The following PTPRT variants were observed in gnomAD, a reference collection of about 807,000 sequenced individuals.
PTPRT encodes the protein protein tyrosine phosphatase receptor type T, also known as receptor-type tyrosine-protein phosphatase T.
A neutral mutation model predicts 176.8 loss-of-function variants in PTPRT; 56 were observed. The observed-to-expected ratio is 0.32, with a 90% CI of 0.26 to 0.40. PTPRT has a LOEUF of 0.40. PTPRT is among the 10% of genes least tolerant of loss of function. The pLI is 1.00. For synonymous variants in PTPRT, 783 were observed against 739.0 expected (o/e 1.06, Z -0.96); for missense variants, 1,540 against 1,908.2 (o/e 0.81, Z 3.60).
chr20:43,109,182 G>A (rs1355896662), intron 1 of PTPRT, among the ~76,000 whole-genome samples: 2 of 152,140 alleles, frequency 1.3e-5, no homozygotes, highest in Non-Finnish European at 2.9e-5. Flanking sequence ...TTGCAGTCAT[G>A]TGAGCAATAA....
intron 6 of PTPRT, among the ~76,000 whole-genome samples, chr20:42,733,966 C>A (rs1022186022): frequency 1.3e-5 from 2 of 152,174 alleles, no homozygotes; most frequent in African/African-American, 4.8e-5. Context: ...TCAGCTCAGG[C>A]AAAGGCCCAG....
chr20:42,890,723 C>A (rs567553519), intron 1 of PTPRT, among the ~76,000 whole-genome samples: 1 of 152,278 alleles, frequency 6.6e-6, no homozygotes, highest in South Asian at 2.1e-4. Flanking sequence ...AGGCCCCAGA[C>A]GTTGCTGCAG....
At chr20:42,512,715 G>C (rs1329149105) in intron 7 of PTPRT, among the ~76,000 whole-genome samples, 2 of 152,072 alleles carry the variant, frequency 1.3e-5, no homozygotes, top group African/African-American at 4.8e-5. Context: ...CAAGCTGACT[G>C]CATACACTGT....
At chr20:42,057,366 G>T in the PTPRT span, among the ~76,000 whole-genome samples, 3 of 152,080 alleles carry the variant, frequency 2.0e-5, no homozygotes, top group Non-Finnish European at 4.4e-5. Context: ...GCTCAGTGTG[G>T]CTGGATCACA....
At chr20:42,827,477 G>A (rs915285886) in intron 2 of PTPRT, among the ~76,000 whole-genome samples, 2 of 152,084 alleles carry the variant, frequency 1.3e-5, no homozygotes, top group African/African-American at 2.4e-5. Context: ...AGAAATTAAG[G>A]CAGACATCAA....
At chr20:42,452,087 G>A (rs1402793578) in intron 8 of PTPRT, among the ~76,000 whole-genome samples, 1 of 152,076 alleles carries the variant, frequency 6.6e-6, no homozygotes, top group Admixed American at 6.6e-5. Flanking sequence ...TGGCCAACAT[G>A]GTGAAACCCT....
At chr20:43,125,114 A>G (rs1337918727) in intron 1 of PTPRT, among the ~76,000 whole-genome samples, 3 of 151,190 alleles carry the variant, frequency 2.0e-5, no homozygotes, top group Non-Finnish European at 4.4e-5. Context: ...TCCTGCCCCA[A>G]CCTCCCAAGT....
chr20:42,049,623 G>A, the PTPRT span, among the ~76,000 whole-genome samples: 4 of 152,170 alleles, frequency 2.6e-5, no homozygotes, highest in African/African-American at 9.7e-5. Flanking sequence ...CTCAAAGTAT[G>A]CTCTGAATCT....
intron 1 of PTPRT, among the ~76,000 whole-genome samples, chr20:42,900,574 C>G (rs1435139687): frequency 6.6e-6 from 1 of 152,142 alleles, no homozygotes; most frequent in Non-Finnish European, 1.5e-5. Context: ...AGTGGTAATG[C>G]CACCCAGAGC....
chr20:42,117,316 C>T (rs1243167173), intron 21 of PTPRT, among the ~76,000 whole-genome samples: 1 of 152,138 alleles, frequency 6.6e-6, no homozygotes, highest in Non-Finnish European at 1.5e-5. Flanking sequence ...ACTTACCTGC[C>T]CACATTTTAG....
At chr20:42,409,846 T>C (rs1393624005) in intron 9 of PTPRT, among the ~76,000 whole-genome samples, 1 of 152,236 alleles carries the variant, frequency 6.6e-6, no homozygotes, top group Admixed American at 6.5e-5. Context: ...ACTATCTACT[T>C]GGCTTAAAAG....
chr20:42,893,788 A>T (rs1305595826), intron 1 of PTPRT, among the ~76,000 whole-genome samples: 1 of 150,748 alleles, frequency 6.6e-6, no homozygotes, highest in Non-Finnish European at 1.5e-5. Context: ...ACATGTTCTC[A>T]CTCATAGATG....
At position 42,661,947 on chromosome 20, in the gene PTPRT, T is replaced by G. The variant is rs191926257; in HGVS notation, c.1153+15919A>C. 3.0e-3 allele frequency among the ~76,000 whole-genome samples: 461 copies of G among 152,306 alleles called. 2 individuals carry two copies. The highest frequency in any genetic ancestry group is 0.011 in the African/African-American group (442 of 41,580). ...TGGCCAGCAATGGACAGGGTGCCCT[T>G]GGCTTCCTCTGGCTCAGGCATCATT... On this transcript the variant is annotated intron_variant, in intron 7 of 30. Coordinates refer to ENST00000373187, the MANE Select transcript of PTPRT (RefSeq NM_007050.6).
chr20:42,803,800 C>T (rs1188329368), intron 2 of PTPRT, among the ~76,000 whole-genome samples: 3 of 152,154 alleles, frequency 2.0e-5, no homozygotes, highest in Admixed American at 6.5e-5. Flanking sequence ...GCAATCTGCC[C>T]GCCTCAGCCT....
chr20:43,141,759 G>A (rs570250017), intron 1 of PTPRT, among the ~76,000 whole-genome samples: 17 of 152,228 alleles, frequency 1.1e-4, no homozygotes, highest in East Asian at 5.8e-4. Context: ...ATAAGACTTC[G>A]CAATAAATAG....
rs1388640648 is a variant in PTPRT at position 42,156,958 on chromosome 20, TG to T, written c.2682+4393del. Among the ~76,000 whole-genome samples, 8 of 152,330 alleles carry T rather than the reference TG, an allele frequency of 5.3e-5. No individual in the cohort carries two copies. The East Asian group carries it at 1.5e-3, about 29-fold the overall frequency. ...CACTTGTCTTCTCAAAGCTCTGAGG[TG>T]GCTTTCCATTTTAGTCAGAGTAAAA... On this transcript the variant is annotated intron_variant, in intron 17 of 30. Coordinates refer to ENST00000373187, the MANE Select transcript of PTPRT (RefSeq NM_007050.6).
chr20:42,155,702 T>C (rs1989320693), intron 17 of PTPRT, among the ~76,000 whole-genome samples: 2 of 152,214 alleles, frequency 1.3e-5, no homozygotes, highest in Admixed American at 1.3e-4. Flanking sequence ...CAAGTTTTCA[T>C]GCCAACGAGA....
intron 7 of PTPRT, among the ~76,000 whole-genome samples, chr20:42,523,625 T>C: frequency 6.6e-6 from 1 of 152,262 alleles, no homozygotes; most frequent in East Asian, 1.9e-4. Context: ...CAACTTAATC[T>C]GACAATGTCT....
chr20:42,887,890 T>C (rs1465992802), intron 1 of PTPRT, among the ~76,000 whole-genome samples: 1 of 152,176 alleles, frequency 6.6e-6, no homozygotes, highest in Non-Finnish European at 1.5e-5. Context: ...TCCAAAGGAC[T>C]GTGAGGGCTC....
Sources: allele counts gnomAD v4.1 joint callset (sites outside exome capture counted in the v4.1 genomes callset), GRCh38; gene constraint gnomAD v4.1.1; transcripts MANE v1.5; gene names NCBI Gene and HGNC (gene_info 2026-07-23, HGNC 2026-07-21).